Variants in WASHC3 observed in about 807,000 individuals in gnomAD.
WASHC3 encodes the protein WASH complex subunit CCDC53.
WASHC3 carries 24 observed loss-of-function variants against 26.1 expected under a neutral mutation model. The observed-to-expected ratio is 0.92, with a 90% CI of 0.66 to 1.29. The LOEUF is 1.29. Among genes scored for constraint, WASHC3 ranks in the 50% most tolerant of loss-of-function variants. The pLI, the probability that WASHC3 is intolerant of heterozygous loss-of-function variation, is 0.00. For missense variants in WASHC3, 214 were observed against 229.6 expected, an observed-to-expected ratio of 0.93 and a Z score of 0.44; for synonymous variants, 77 against 75.7, an observed-to-expected ratio of 1.02 and a Z score of -0.09.
intron 2 of WASHC3, chr12:102,050,623 A>T (rs1245462700): frequency 1.1e-5 from 5 of 452,926 alleles, no homozygotes. Flanking sequence ...AGCCTCGGTG[A>T]TACAGCAAGA....
intron 6 of WASHC3, chr12:102,019,292 TC>T: frequency 3.3e-6 from 1 of 298,676 alleles, no homozygotes; most frequent in Non-Finnish European, 6.6e-6. Context: ...TACCATCATT[TC>T]CAGGCGGGAT....
chr12:102,022,534 G>A (rs74687996), intron 6 of WASHC3, among the ~76,000 whole-genome samples: 6,826 of 152,148 alleles, frequency 0.045, 229 homozygotes, highest in Non-Finnish European at 0.065. Flanking sequence ...ATCAAACCAG[G>A]GTTACACAAC....
chr12:102,020,456 CATT>C (rs1002961539), intron 6 of WASHC3, among the ~76,000 whole-genome samples: 2 of 152,034 alleles, frequency 1.3e-5, no homozygotes, highest in African/African-American at 4.8e-5. Flanking sequence ...CCTAAAATAC[CATT>C]ATTGTTGGTT....
chr12:102,030,737 A>C (rs912211754), intron 5 of WASHC3, among the ~76,000 whole-genome samples: 1 of 152,214 alleles, frequency 6.6e-6, no homozygotes, highest in African/African-American at 2.4e-5. Context: ...TGAAGAATAA[A>C]TAGATGAGAA....
At chr12:102,025,226 G>A (rs575526998) in intron 6 of WASHC3, among the ~76,000 whole-genome samples, 1 of 151,914 alleles carries the variant, frequency 6.6e-6, no homozygotes, top group Admixed American at 6.6e-5. Flanking sequence ...GCCCCAAATT[G>A]GAAAGATTCT....
intron 6 of WASHC3, among the ~76,000 whole-genome samples, chr12:102,023,059 CAAACA>C: frequency 1.3e-5 from 2 of 151,708 alleles, no homozygotes; most frequent in Middle Eastern, 6.9e-3. Flanking sequence ...TTTTTAAAAA[CAAACA>C]ATCACTTAGA....
chr12:102,017,642 A>T (rs889963739), intron 6 of WASHC3: 1 of 320,814 alleles, frequency 3.1e-6, no homozygotes, highest in East Asian at 9.8e-5. Context: ...TAGCAGGAGC[A>T]ATAGGTGGAA....
At chr12:102,062,100 G>T (rs919537851), upstream of WASHC3, 455 of 676,866 alleles carry the variant, frequency 6.7e-4, 2 homozygotes, top group East Asian at 0.012. Context: ...AAGCTTCTCC[G>T]CTCACTAATC....
At chr12:102,033,744 GT>G (rs998385599) in intron 5 of WASHC3, among the ~76,000 whole-genome samples, 74 of 144,630 alleles carry the variant, frequency 5.1e-4, no homozygotes, top group East Asian at 2.2e-3. Context: ...TTCAGAAAGA[GT>G]TTTTTTTTTT....
chr12:102,027,307 G>A (rs1877238673), intron 5 of WASHC3, among the ~76,000 whole-genome samples: 1 of 152,048 alleles, frequency 6.6e-6, no homozygotes, highest in African/African-American at 2.4e-5. Flanking sequence ...CCTATCATAT[G>A]TACACTTGTC....
At chr12:102,025,617 A>C in intron 6 of WASHC3, among the ~76,000 whole-genome samples, 2 of 142,412 alleles carry the variant, frequency 1.4e-5, no homozygotes, top group Admixed American at 7.0e-5. Context: ...TCACCCCCCC[A>C]CCAAAAAAGC....
At chr12:102,017,239 G>A (rs904318626) in intron 6 of WASHC3, among the ~76,000 whole-genome samples, 2 of 151,984 alleles carry the variant, frequency 1.3e-5, no homozygotes, top group Admixed American at 6.6e-5. Context: ...TGTGTAGTAC[G>A]CTATACCATT....
intron 5 of WASHC3, among the ~76,000 whole-genome samples, chr12:102,030,879 A>G (rs1877406006): frequency 6.6e-6 from 1 of 152,222 alleles, no homozygotes; most frequent in Non-Finnish European, 1.5e-5. Context: ...AAAAAGCAAG[A>G]AATTTAAAAC....
At chr12:102,036,317 G>C (rs562515816) in intron 5 of WASHC3, among the ~76,000 whole-genome samples, 2 of 147,570 alleles carry the variant, frequency 1.4e-5, no homozygotes, top group South Asian at 2.1e-4. Flanking sequence ...AGCCGTGACT[G>C]TGCCCCTTTG....
intron 2 of WASHC3, chr12:102,050,488 ACAC>A (rs1220535673): frequency 3.3e-5 from 14 of 429,702 alleles, no homozygotes; most frequent in Non-Finnish European, 6.0e-5. Context: ...ACACACACAC[ACAC>A]AATTAGCCGG....
intron 2 of WASHC3, among the ~76,000 whole-genome samples, chr12:102,056,227 C>G (rs1878588307): frequency 6.6e-6 from 1 of 152,160 alleles, no homozygotes; most frequent in Non-Finnish European, 1.5e-5. Context: ...CCTAAGATAT[C>G]TGAGCATCTG....
chr12:102,060,480 C>T (rs1002873490), intron 2 of WASHC3, among the ~76,000 whole-genome samples: 4 of 152,148 alleles, frequency 2.6e-5, no homozygotes, highest in African/African-American at 9.7e-5. Flanking sequence ...TTAATCCTTA[C>T]ATCACAAGTC....
At chr12:102,023,209 G>A (rs1877027800) in intron 6 of WASHC3, among the ~76,000 whole-genome samples, 1 of 151,822 alleles carries the variant, frequency 6.6e-6, no homozygotes, top group Non-Finnish European at 1.5e-5. Context: ...AAATATTTTT[G>A]ATTTAAAATT....
intron 6 of WASHC3, among the ~76,000 whole-genome samples, chr12:102,024,740 T>C (rs2121345428): frequency 2.0e-5 from 3 of 152,344 alleles, no homozygotes; most frequent in South Asian, 4.1e-4. Context: ...TAACTGTGTA[T>C]TTCCAGAAGC....
Sources: allele counts gnomAD v4.1 joint callset (sites outside exome capture counted in the v4.1 genomes callset), GRCh38; gene constraint gnomAD v4.1.1; transcripts MANE v1.5; gene names NCBI Gene and HGNC (gene_info 2026-07-23, HGNC 2026-07-21).